The following MIGA1 variants were observed in gnomAD, a reference collection of about 807,000 sequenced individuals.
MIGA1 encodes the protein mitoguardin 1.
A neutral mutation model predicts 82.0 loss-of-function variants in MIGA1; 58 were observed. The ratio of observed to expected loss-of-function variants is 0.71; its 90% CI spans 0.57 to 0.88. The LOEUF is 0.88. Ranked by LOEUF, MIGA1 falls within the 40% of genes least tolerant of loss-of-function variation. MIGA1 has a pLI of 0.00. For missense variants in MIGA1, 751 were observed against 749.1 expected (o/e 1.00, Z -0.03); for synonymous variants, 249 against 253.6 (o/e 0.98, Z 0.17).
At chr1:77,851,346 G>A (rs1378430707) in intron 8 of MIGA1, among the ~76,000 whole-genome samples, 1 of 151,756 alleles carries the variant, frequency 6.6e-6, no homozygotes, top group Non-Finnish European at 1.5e-5. Context: ...AAAATACATA[G>A]GAAATTTCAG....
chr1:77,860,958 T>C, intron 11 of MIGA1: 1 of 315,998 alleles, frequency 3.2e-6, no homozygotes, highest in Non-Finnish European at 5.8e-6. Context: ...AACCAAATTT[T>C]CATTTTAATT....
At chr1:77,836,767 G>A (rs1684438574) in intron 7 of MIGA1, among the ~76,000 whole-genome samples, 1 of 151,996 alleles carries the variant, frequency 6.6e-6, no homozygotes, top group African/African-American at 2.4e-5. Context: ...GTGGGGATAT[G>A]GTCAACATAC....
intron 4 of MIGA1, among the ~76,000 whole-genome samples, chr1:77,805,890 T>C (rs1683081170): frequency 6.6e-6 from 1 of 152,174 alleles, no homozygotes; most frequent in Non-Finnish European, 1.5e-5. Flanking sequence ...ATTTCCTCAA[T>C]TGAAAGTTGA....
chr1:77,864,097 A>G, intron 13 of MIGA1, 69 bp downstream of exon 13: 1 of 1,524,966 alleles, frequency 6.6e-7, no homozygotes, highest in Non-Finnish European at 8.9e-7. Flanking sequence ...GCAGTAGCTC[A>G]CGCCTGTAAT....
rs891522963 is a variant in MIGA1 at position 77,800,088 on chromosome 1, G to T, written c.196-1243G>T. Among the ~76,000 whole-genome samples, 11 of 152,182 alleles carry T rather than the reference G, an allele frequency of 7.2e-5. No homozygotes were observed. In the South Asian group the frequency reaches 2.3e-3, roughly 32 times the overall value. ...TTTAAGGCTTTTGTTCTTTAATGGG[G>T]ATAGAGGAGAAAGGTTATGGTGCTG... On this transcript the variant is annotated intron_variant, in intron 2 of 15. Coordinates refer to ENST00000370791, the MANE Select transcript of MIGA1 (RefSeq NM_198549.4).
chr1:77,825,329 A>G (rs537152225), intron 7 of MIGA1, among the ~76,000 whole-genome samples: 1 of 152,276 alleles, frequency 6.6e-6, no homozygotes, highest in South Asian at 2.1e-4. Context: ...TTATAGGAAT[A>G]TAGGAGTTGT....
chr1:77,829,238 A>G (rs1021905754), intron 7 of MIGA1, among the ~76,000 whole-genome samples: 2 of 152,136 alleles, frequency 1.3e-5, no homozygotes, highest in Admixed American at 1.3e-4. Flanking sequence ...TGGGCAATGT[A>G]GTAAGACCCT....
At chr1:77,849,259 T>C (rs1684957972) in intron 8 of MIGA1, among the ~76,000 whole-genome samples, 1 of 152,118 alleles carries the variant, frequency 6.6e-6, no homozygotes, top group African/African-American at 2.4e-5. Context: ...AAGCCTGGTG[T>C]GGTGGTGCAT....
At position 77,801,332 on chromosome 1, in the gene MIGA1, TC is replaced by T; in HGVS notation, c.198del (p.Lys67AsnfsTer12). 1.9e-6 allele frequency: 3 copies of T among 1,547,820 alleles called. No individual in the cohort carries two copies. The highest frequency in any genetic ancestry group is 2.6e-6 in the Non-Finnish European group (3 of 1,157,762). On this transcript the variant is annotated frameshift_variant and splice_region_variant, in exon 3 of 16. Transcript: ENST00000370791. LOFTEE classifies it high-confidence loss of function. ...CAATTTTAACTGAATCTTTTCCAGA[TC>T]AAATTTTCTCCGGTGGCTAAAAAGT...
At chr1:77,874,749 TTC>T in intron 15 of MIGA1, 95 bp from the exon 16 acceptor site, 1 of 806,620 alleles carries the variant, frequency 1.2e-6, no homozygotes, top group East Asian at 2.7e-5. Context: ...AAGTCAGGTC[TTC>T]TGAGTCCTGA....
At chr1:77,821,778 T>C (rs1557911965) in intron 7 of MIGA1, among the ~76,000 whole-genome samples, 2 of 152,218 alleles carry the variant, frequency 1.3e-5, no homozygotes, top group Non-Finnish European at 2.9e-5. Flanking sequence ...GTTAGTTTTG[T>C]ATAGTTGGTA....
chr1:77,808,130 CTTTTTTT>C (rs754585009), intron 5 of MIGA1, among the ~76,000 whole-genome samples: 1 of 137,038 alleles, frequency 7.3e-6, no homozygotes, highest in African/African-American at 2.7e-5. Context: ...ACCTTTCTCT[CTTTTTTT>C]TTTTTTTTTT....
intron 7 of MIGA1, among the ~76,000 whole-genome samples, chr1:77,834,730 G>A (rs75802079): frequency 0.015 from 2,227 of 152,288 alleles, 46 homozygotes; most frequent in African/African-American, 0.05. Flanking sequence ...ACAAAGAGCA[G>A]CAGTGGTTTC....
rs889359779 is a variant in MIGA1 at position 77,779,709 on chromosome 1, G to A, written c.54G>A (p.Arg18=). 6.3e-7 allele frequency: 1 copy of A among 1,586,522 alleles called. No individual in the cohort carries two copies. Among genetic ancestry groups the A allele is most frequent in the Non-Finnish European group, 8.6e-7 (1 of 1,166,768 alleles). The change falls in exon 1 of 16, where the codon AGG becomes AGA. Residue 18 remains arginine, a synonymous_variant. Transcript: ENST00000370791. ...TCAGCTGGGAAGCTGGCGTGGGCAG[G>A]CCAGCTGTACCTGGCCTGGAGCTCC...
chr1:77,855,994 A>C (rs1364754463), intron 8 of MIGA1, among the ~76,000 whole-genome samples: 1 of 151,746 alleles, frequency 6.6e-6, no homozygotes, highest in Non-Finnish European at 1.5e-5. Flanking sequence ...AATGCTTTCA[A>C]CTTTTCCCCA....
intron 7 of MIGA1, among the ~76,000 whole-genome samples, chr1:77,816,592 C>T (rs1683581276): frequency 6.6e-6 from 1 of 152,096 alleles, no homozygotes; most frequent in Non-Finnish European, 1.5e-5. Flanking sequence ...CTTTGTCGTA[C>T]TATTATTGTC....
At chr1:77,844,224 CAATG>C (rs1300115617) in intron 8 of MIGA1, among the ~76,000 whole-genome samples, 1 of 146,188 alleles carries the variant, frequency 6.8e-6, no homozygotes, top group Non-Finnish European at 1.5e-5. Flanking sequence ...ATTTTAGTAA[CAATG>C]AAAAACTGAA....
intron 5 of MIGA1, chr1:77,811,086 T>G (rs1424958610): frequency 6.2e-7 from 1 of 1,611,340 alleles, no homozygotes; most frequent in Non-Finnish European, 8.5e-7. Flanking sequence ...CTTTGGTTAA[T>G]TTTTCAACAT....
At chr1:77,864,834 G>A in intron 13 of MIGA1, among the ~76,000 whole-genome samples, 1 of 152,236 alleles carries the variant, frequency 6.6e-6, no homozygotes, top group African/African-American at 2.4e-5. Context: ...GTTCTTTTCT[G>A]TTCTCAAACC....
Sources: allele counts gnomAD v4.1 joint callset (sites outside exome capture counted in the v4.1 genomes callset), GRCh38; gene constraint gnomAD v4.1.1; transcripts MANE v1.5; gene names NCBI Gene and HGNC (gene_info 2026-07-23, HGNC 2026-07-21).